PPARGC1A: variants seen among roughly 807,000 people sequenced by gnomAD.
PPARGC1A encodes the protein peroxisome proliferator-activated receptor gamma coactivator 1-alpha.
Under a neutral mutation model 88.7 loss-of-function variants are expected in PPARGC1A, and 25 were observed. That is an observed-to-expected ratio of 0.28 (90% CI 0.21 to 0.39). The LOEUF (loss-of-function observed/expected upper bound fraction) is 0.39. Among genes scored for constraint, PPARGC1A ranks in the 10% least tolerant of loss-of-function variants. PPARGC1A has a pLI of 1.00. For missense variants in PPARGC1A, 880 were observed against 968.7 expected, an observed-to-expected ratio of 0.91 and a Z score of 1.22; for synonymous variants, 363 against 355.6, an observed-to-expected ratio of 1.02 and a Z score of -0.24.
At chr4:23,954,984 A>G in the PPARGC1A span, among the ~76,000 whole-genome samples, 1 of 152,078 alleles carries the variant, frequency 6.6e-6, no homozygotes, top group Non-Finnish European at 1.5e-5. Context: ...AAGAGATGTC[A>G]GAGTGTAGCT....
At chr4:23,815,613 T>C (rs1380147906) in intron 7 of PPARGC1A, among the ~76,000 whole-genome samples, 1 of 152,116 alleles carries the variant, frequency 6.6e-6, no homozygotes, top group Non-Finnish European at 1.5e-5. Context: ...CCGTGAAGCG[T>C]AGTAGTTTCC....
chr4:24,087,105 G>C, the PPARGC1A span, among the ~76,000 whole-genome samples: 1 of 152,288 alleles, frequency 6.6e-6, no homozygotes, highest in Non-Finnish European at 1.5e-5. Context: ...TTACAGATGA[G>C]AAAGTAGCAG....
chr4:24,140,902 GA>G, the PPARGC1A span, among the ~76,000 whole-genome samples: 1 of 152,186 alleles, frequency 6.6e-6, no homozygotes, highest in Non-Finnish European at 1.5e-5. Flanking sequence ...CAAAGATGGA[GA>G]CAGTCCCATC....
At chr4:23,839,040 T>C (rs992836683) in intron 2 of PPARGC1A, among the ~76,000 whole-genome samples, 1 of 152,028 alleles carries the variant, frequency 6.6e-6, no homozygotes, top group East Asian at 1.9e-4. Context: ...TAAACAAAAT[T>C]GAAGAATTCA....
rs200119427 is a variant in PPARGC1A at position 23,824,326 on chromosome 4, G to T, written c.831C>A (p.Asn277Lys). The T allele has an allele frequency of 6.2e-7, 1 of 1,613,318 alleles. No individual in the cohort carries two copies. The highest frequency in any genetic ancestry group is 8.5e-7 in the Non-Finnish European group (1 of 1,179,650). ...CACTTAAGGTGCGTTCAATAGTCTT[G>T]TTCTCAAATGGGGAACCCTTGGGGT... ...PNDPKGSPFE[N>K]KTIERTLSVE... The change falls in exon 7 of 13, where the codon AAC becomes AAA. Residue 277 changes from asparagine (N) to lysine (K), a missense_variant. Transcript: ENST00000264867.
At chr4:24,190,369 G>A in the PPARGC1A span, among the ~76,000 whole-genome samples, 1 of 152,048 alleles carries the variant, frequency 6.6e-6, no homozygotes, top group Non-Finnish European at 1.5e-5. Flanking sequence ...CAAAAAATTA[G>A]CCAGGCATGG....
At chr4:24,287,630 A>ACATG in the PPARGC1A span, among the ~76,000 whole-genome samples, 1 of 109,936 alleles carries the variant, frequency 9.1e-6, no homozygotes, top group Non-Finnish European at 1.8e-5. Flanking sequence ...GCTCAACACC[A>ACATG]CATGCACACA....
the PPARGC1A span, among the ~76,000 whole-genome samples, chr4:24,043,809 C>T: frequency 6.6e-6 from 1 of 152,030 alleles, no homozygotes; most frequent in African/African-American, 2.4e-5. Flanking sequence ...TTATCTTAAA[C>T]GGGTTACTAT....
the PPARGC1A span, among the ~76,000 whole-genome samples, chr4:24,043,251 G>A: frequency 6.6e-6 from 1 of 152,090 alleles, no homozygotes; most frequent in Non-Finnish European, 1.5e-5. Context: ...CTATCCCGAC[G>A]CCATCCAATA....
the PPARGC1A span, among the ~76,000 whole-genome samples, chr4:23,960,335 T>G: frequency 6.6e-6 from 1 of 152,088 alleles, no homozygotes; most frequent in East Asian, 1.9e-4. Flanking sequence ...GGGATGTTGC[T>G]GAACATTCTA....
chr4:24,132,654 A>T, the PPARGC1A span, among the ~76,000 whole-genome samples: 1 of 152,210 alleles, frequency 6.6e-6, no homozygotes, highest in East Asian at 1.9e-4. Flanking sequence ...TGACCTTTGC[A>T]TTGGGGTCTT....
chr4:24,215,158 C>A, the PPARGC1A span, among the ~76,000 whole-genome samples: 13 of 152,174 alleles, frequency 8.5e-5, no homozygotes, highest in Non-Finnish European at 7.3e-5. Context: ...CTGGCTGTCA[C>A]CTGGAAAGAG....
At chr4:24,273,303 C>T in the PPARGC1A span, among the ~76,000 whole-genome samples, 3 of 152,204 alleles carry the variant, frequency 2.0e-5, no homozygotes, top group Non-Finnish European at 4.4e-5. Flanking sequence ...AGGTTATTCA[C>T]AACATGTTTG....
chr4:23,871,027 C>CAG (rs1713234831), intron 2 of PPARGC1A, among the ~76,000 whole-genome samples: 1 of 151,092 alleles, frequency 6.6e-6, no homozygotes, highest in Non-Finnish European at 1.5e-5. Flanking sequence ...TGCTGAATCA[C>CAG]AGAAGAAACA....
upstream of PPARGC1A, among the ~76,000 whole-genome samples, chr4:23,899,867 T>C (rs2033023657): frequency 6.6e-6 from 1 of 152,212 alleles, no homozygotes; most frequent in African/African-American, 2.4e-5. Context: ...CATGGGTACA[T>C]TGTTACTGAC....
Position 23,828,534 on chromosome 4 carries a change from G to C in PPARGC1A, c.623C>G (p.Ser208Trp). The C allele has an allele frequency of 1.2e-6, 2 of 1,614,054 alleles. No individual in the cohort carries two copies. The highest frequency in any genetic ancestry group is 1.7e-6 in the Non-Finnish European group (2 of 1,179,980). The change falls in exon 5 of 13, where the codon TCG becomes TGG. Residue 208 changes from serine to tryptophan, a missense_variant. Ser to Trp is a radical substitution (Grantham distance 177). Transcript: ENST00000264867. ...TGTGGTCAGATATTTGAGAAGCTCC[G>C]AGCAGGGACGTCTTTGTGGCTTTTG... ...QQQKPQRRPCSELLKYLTTND... is the reference protein window; with the variant it reads ...QQQKPQRRPCWELLKYLTTND...
At chr4:23,866,490 A>G (rs1247183062) in intron 2 of PPARGC1A, among the ~76,000 whole-genome samples, 1 of 152,218 alleles carries the variant, frequency 6.6e-6, no homozygotes, top group African/African-American at 2.4e-5. Flanking sequence ...ATCTATATGA[A>G]AAAAGCTCTT....
chr4:24,058,162 C>G, the PPARGC1A span, among the ~76,000 whole-genome samples: 2 of 152,142 alleles, frequency 1.3e-5, no homozygotes, highest in African/African-American at 4.8e-5. Flanking sequence ...GGGGGCCGGC[C>G]CATCGCTCCT....
At chr4:24,164,050 A>G in the PPARGC1A span, among the ~76,000 whole-genome samples, 2 of 152,198 alleles carry the variant, frequency 1.3e-5, no homozygotes, top group Non-Finnish European at 2.9e-5. Context: ...AATAATTCTC[A>G]TTTTCAAAAT....
Sources: allele counts gnomAD v4.1 joint callset (sites outside exome capture counted in the v4.1 genomes callset), GRCh38; gene constraint gnomAD v4.1.1; transcripts MANE v1.5; gene names NCBI Gene and HGNC (gene_info 2026-07-23, HGNC 2026-07-21).